PCSK6: variants seen among roughly 807,000 people sequenced by gnomAD.
PCSK6 encodes paired basic amino acid cleaving enzyme 4.
Under a neutral mutation model 123.3 loss-of-function variants are expected in PCSK6, and 85 were observed. The ratio of observed to expected loss-of-function variants is 0.69; its 90% CI spans 0.58 to 0.83. The LOEUF (loss-of-function observed/expected upper bound fraction) is 0.83. Ranked by LOEUF, PCSK6 falls within the 40% of genes least tolerant of loss-of-function variation. PCSK6 has a pLI of 0.00. For synonymous variants in PCSK6, 508 were observed against 516.0 expected, an observed-to-expected ratio of 0.98 and a Z score of 0.21; for missense variants, 1,191 against 1,282.3, an observed-to-expected ratio of 0.93 and a Z score of 1.09.
chr15:101,355,821 C>T (rs557989692), intron 13 of PCSK6, among the ~76,000 whole-genome samples: 299 of 152,328 alleles, frequency 2.0e-3, no homozygotes, highest in African/African-American at 7.0e-3. Flanking sequence ...GCTGGCCTGA[C>T]CTTGGCAGGT....
At chr15:101,315,504 C>T (rs192101943) in intron 19 of PCSK6, among the ~76,000 whole-genome samples, 14 of 152,306 alleles carry the variant, frequency 9.2e-5, no homozygotes, top group East Asian at 1.9e-4. Context: ...ATGTTGTTTG[C>T]GGGGCCCAGT....
At position 101,307,339 on chromosome 15, in the gene PCSK6, C is replaced by T. The variant is rs746997914; in HGVS notation, c.2700-14G>A. ...TTCTCGTCACACCTGTGGGAAGATA[C>T]CGTTCCTGCTGAAGTCTGGGGAAGA... On this transcript the variant is annotated splice_polypyrimidine_tract_variant and intron_variant, in intron 20 of 21. Coordinates refer to ENST00000611716, the MANE Select transcript of PCSK6 (RefSeq NM_002570.5). The T allele has an allele frequency of 6.3e-7, 1 of 1,597,058 alleles. No individual in the cohort carries two copies. Among genetic ancestry groups the T allele is most frequent in the East Asian group, 2.2e-5 (1 of 44,576 alleles).
intron 15 of PCSK6, 142 bp from the exon 16 acceptor site, chr15:101,326,621 G>A (rs891567984): frequency 8.2e-6 from 6 of 736,106 alleles, no homozygotes; most frequent in South Asian, 1.8e-5. Context: ...ACGGCCAGAC[G>A]ACAAGGCGGG....
At chr15:101,427,817 G>C (rs376953766) in intron 6 of PCSK6, 75 bp downstream of exon 6, 9 of 1,191,482 alleles carry the variant, frequency 7.6e-6, no homozygotes, top group Middle Eastern at 2.4e-4. Context: ...AGGCTGCTGA[G>C]ACCAGCGGAC....
At chr15:101,406,223 CA>C (rs2042775623) in intron 6 of PCSK6, among the ~76,000 whole-genome samples, 1 of 152,104 alleles carries the variant, frequency 6.6e-6, no homozygotes, top group Non-Finnish European at 1.5e-5. Flanking sequence ...CACACCCACA[CA>C]CACACACGCA....
At chr15:101,383,558 G>A (rs1376298202) in intron 10 of PCSK6, among the ~76,000 whole-genome samples, 1 of 152,152 alleles carries the variant, frequency 6.6e-6, no homozygotes, top group African/African-American at 2.4e-5. Context: ...TACCAGGCTG[G>A]GCTGAGGGTA....
chr15:101,323,130 G>T (rs2040167993), intron 17 of PCSK6, among the ~76,000 whole-genome samples: 1 of 152,206 alleles, frequency 6.6e-6, no homozygotes, highest in African/African-American at 2.4e-5. Context: ...TTATTATCTG[G>T]GTTGGCGCCT....
intron 19 of PCSK6, among the ~76,000 whole-genome samples, chr15:101,315,931 G>A (rs1244292768): frequency 6.6e-6 from 1 of 152,240 alleles, no homozygotes; most frequent in African/African-American, 2.4e-5. Flanking sequence ...AAGTGCACTG[G>A]GGCACTGTGA....
chr15:101,419,337 A>G (rs1297476709), intron 6 of PCSK6, among the ~76,000 whole-genome samples: 1 of 152,186 alleles, frequency 6.6e-6, no homozygotes, highest in Non-Finnish European at 1.5e-5. Flanking sequence ...TTTTTAAAAA[A>G]TCTAGATATA....
At chr15:101,420,638 C>T (rs1212952259) in intron 6 of PCSK6, among the ~76,000 whole-genome samples, 1 of 152,190 alleles carries the variant, frequency 6.6e-6, no homozygotes, top group Non-Finnish European at 1.5e-5. Flanking sequence ...GCTGGGATTA[C>T]AAGTGTGAAC....
chr15:101,329,420 C>G (rs1180340341), intron 15 of PCSK6, among the ~76,000 whole-genome samples: 1 of 152,188 alleles, frequency 6.6e-6, no homozygotes, highest in Non-Finnish European at 1.5e-5. Flanking sequence ...GCATGCAAGA[C>G]TTGGGCCGAT....
At chr15:101,342,898 T>A (rs2040649696) in intron 13 of PCSK6, among the ~76,000 whole-genome samples, 1 of 141,802 alleles carries the variant, frequency 7.1e-6, no homozygotes, top group Admixed American at 7.0e-5. Flanking sequence ...TGAGACTCCG[T>A]CTCAAAAAAA....
At chr15:101,379,338 G>A (rs993083984) in intron 11 of PCSK6, among the ~76,000 whole-genome samples, 29 of 152,178 alleles carry the variant, frequency 1.9e-4, no homozygotes, top group African/African-American at 6.3e-4. Flanking sequence ...CATGTGTGAC[G>A]TCACCATAGA....
intron 13 of PCSK6, chr15:101,337,565 C>T: frequency 6.6e-6 from 1 of 152,224 alleles, no homozygotes; most frequent in East Asian, 1.9e-4. Context: ...CTTTCCTATG[C>T]ATGTGTATTT....
intron 13 of PCSK6, chr15:101,346,889 C>G: frequency 8.1e-7 from 1 of 1,231,592 alleles, no homozygotes; most frequent in Non-Finnish European, 1.0e-6. Flanking sequence ...CATTTCTCCC[C>G]GAGATAAGTG....
chr15:101,377,227 C>T (rs527916630), intron 11 of PCSK6, among the ~76,000 whole-genome samples: 30 of 151,766 alleles, frequency 2.0e-4, no homozygotes, highest in Admixed American at 1.6e-3. Flanking sequence ...TGGCCAAGGC[C>T]GGAGGAAGCT....
At chr15:101,306,605 T>C (rs1464122341) in intron 21 of PCSK6, among the ~76,000 whole-genome samples, 1 of 152,036 alleles carries the variant, frequency 6.6e-6, no homozygotes, top group Admixed American at 6.5e-5. Context: ...CAGGCCCGAG[T>C]CCTGCCAACC....
intron 1 of PCSK6, among the ~76,000 whole-genome samples, chr15:101,458,260 G>A (rs369594335): frequency 3.9e-5 from 6 of 152,204 alleles, no homozygotes; most frequent in Non-Finnish European, 7.4e-5. Context: ...TGATAGGGAC[G>A]TGAAACCCAA....
intron 1 of PCSK6, among the ~76,000 whole-genome samples, chr15:101,454,382 T>A (rs139061381): frequency 1.1e-3 from 174 of 152,260 alleles, no homozygotes; most frequent in Non-Finnish European, 1.9e-3. Flanking sequence ...CAGGTGTCTG[T>A]GGCTGGTTGA....
Sources: allele counts gnomAD v4.1 joint callset (sites outside exome capture counted in the v4.1 genomes callset), GRCh38; gene constraint gnomAD v4.1.1; transcripts MANE v1.5; gene names NCBI Gene and HGNC (gene_info 2026-07-23, HGNC 2026-07-21).